Variants in VWA8 observed in about 807,000 individuals in gnomAD.
VWA8 encodes von Willebrand factor A domain-containing protein 8.
VWA8 carries 221 observed loss-of-function variants against 241.5 expected under a neutral mutation model. The ratio of observed to expected loss-of-function variants is 0.91; its 90% CI spans 0.82 to 1.02. The LOEUF is 1.02. Among genes scored for constraint, VWA8 ranks in the 50% least tolerant of loss-of-function variants. VWA8 has a pLI of 0.00. For missense variants in VWA8, 2,322 were observed against 2,328.7 expected (o/e 1.00, Z 0.06); for synonymous variants, 852 against 827.1 (o/e 1.03, Z -0.52).
At chr13:41,876,414 T>C (rs548450096) in intron 9 of VWA8, among the ~76,000 whole-genome samples, 3 of 152,204 alleles carry the variant, frequency 2.0e-5, no homozygotes, top group African/African-American at 7.2e-5. Flanking sequence ...TGTCCTTTGC[T>C]TTTCCTACAG....
Position 41,816,757 on chromosome 13 carries a change from C to T in VWA8, c.1888G>A (p.Glu630Lys), listed in dbSNP as rs1261886384. ...IKEKVPNVPQ[E>K]ALDKLLSFTH... The stretch of plus-strand genomic sequence containing the variant: ...AATGATAATAACTTATCCAGAGCTT[C>T]CTGAGGTACATTTGGGACCTATTTT... The change falls in exon 16 of 45, where the codon GAA becomes AAA. Residue 630 changes from glutamate to lysine, a missense_variant. By Grantham distance (56) the Glu-to-Lys change is moderately conservative. Coordinates refer to ENST00000379310, the MANE Select transcript of VWA8 (RefSeq NM_015058.2). 1 of 1,613,324 alleles carries T rather than the reference C, an allele frequency of 6.2e-7. No homozygotes were observed. Among genetic ancestry groups the T allele is most frequent in the Non-Finnish European group, 8.5e-7 (1 of 1,179,626 alleles).
At chr13:41,782,498 C>CATAA (rs1868934096) in intron 19 of VWA8, among the ~76,000 whole-genome samples, 1 of 152,028 alleles carries the variant, frequency 6.6e-6, no homozygotes, top group Non-Finnish European at 1.5e-5. Context: ...ACTTTTGTGT[C>CATAA]TTATAAGTAG....
At chr13:41,796,186 T>A (rs1286260038) in intron 17 of VWA8, among the ~76,000 whole-genome samples, 1 of 152,180 alleles carries the variant, frequency 6.6e-6, no homozygotes, top group African/African-American at 2.4e-5. Flanking sequence ...ATTATTCTTA[T>A]CTGCTTTAGG....
At chr13:41,736,958 C>T (rs1459992440) in intron 21 of VWA8, among the ~76,000 whole-genome samples, 2 of 151,544 alleles carry the variant, frequency 1.3e-5, no homozygotes, top group African/African-American at 4.9e-5. Flanking sequence ...ATTCTCCTGC[C>T]TCAGCCTCCA....
intron 9 of VWA8, among the ~76,000 whole-genome samples, chr13:41,875,548 C>G (rs995295727): frequency 6.6e-6 from 1 of 151,910 alleles, no homozygotes; most frequent in African/African-American, 2.4e-5. Context: ...AATGTAAGCC[C>G]CTTGATTTTT....
At chr13:41,814,545 C>T (rs745730033) in intron 16 of VWA8, among the ~76,000 whole-genome samples, 1 of 152,110 alleles carries the variant, frequency 6.6e-6, no homozygotes, top group Non-Finnish European at 1.5e-5. Flanking sequence ...TGATGAGCAG[C>T]TTAGGGTCAG....
At chr13:41,833,327 AG>A in intron 13 of VWA8, 43 bp downstream of exon 13, 1 of 1,556,980 alleles carries the variant, frequency 6.4e-7, no homozygotes, top group Non-Finnish European at 8.7e-7. Flanking sequence ...CTTAAGTCAG[AG>A]TGGGGTGTGT....
At chr13:41,694,905 G>A (rs2045206412) in intron 29 of VWA8, among the ~76,000 whole-genome samples, 1 of 152,178 alleles carries the variant, frequency 6.6e-6, no homozygotes, top group South Asian at 2.1e-4. Flanking sequence ...ATCTTTCTAA[G>A]TGACAGAAAA....
chr13:41,931,305 C>A (rs113190806), intron 2 of VWA8, among the ~76,000 whole-genome samples: 892 of 85,422 alleles, frequency 0.01, 18 homozygotes, highest in Middle Eastern at 0.025. Flanking sequence ...AAAAAAAAAA[C>A]CCCTACATGA....
chr13:41,580,650 G>C (rs2044376485), intron 42 of VWA8, among the ~76,000 whole-genome samples: 2 of 152,076 alleles, frequency 1.3e-5, no homozygotes, highest in Non-Finnish European at 2.9e-5. Flanking sequence ...CTGAATTACA[G>C]TTTAAAAAAA....
chr13:41,640,738 T>C (rs887800115), intron 37 of VWA8, among the ~76,000 whole-genome samples: 8 of 152,232 alleles, frequency 5.3e-5, no homozygotes, highest in African/African-American at 1.2e-4. Flanking sequence ...GAACATACAA[T>C]ACATTTCAAA....
chr13:41,754,855 A>G (rs191637573), intron 21 of VWA8, among the ~76,000 whole-genome samples: 1 of 149,400 alleles, frequency 6.7e-6, no homozygotes, highest in Admixed American at 6.8e-5. Flanking sequence ...AAACATGTCA[A>G]GTTTGTCTTT....
chr13:41,810,701 A>G (rs951233321), intron 17 of VWA8, among the ~76,000 whole-genome samples: 1 of 152,138 alleles, frequency 6.6e-6, no homozygotes, highest in African/African-American at 2.4e-5. Flanking sequence ...AGTATTTGAT[A>G]GCATAACAAG....
At chr13:41,605,880 G>T (rs1399883265) in intron 39 of VWA8, among the ~76,000 whole-genome samples, 1 of 152,056 alleles carries the variant, frequency 6.6e-6, no homozygotes, top group Non-Finnish European at 1.5e-5. Context: ...TAATATTATT[G>T]TGGCTTTGAA....
chr13:41,699,001 A>C (rs1478650822), intron 29 of VWA8, 70 bp downstream of exon 29: 7 of 1,595,040 alleles, frequency 4.4e-6, no homozygotes, highest in Non-Finnish European at 5.2e-6. Context: ...CTTTTCAGTT[A>C]TAGGTTTCTA....
intron 20 of VWA8, 101 bp downstream of exon 20, chr13:41,777,884 A>G: frequency 9.9e-7 from 1 of 1,012,240 alleles, no homozygotes; most frequent in Non-Finnish European, 1.5e-6. Flanking sequence ...CCAGTCATTT[A>G]ATAGGGGAAA....
At chr13:41,612,951 G>A (rs1158293907) in intron 38 of VWA8, among the ~76,000 whole-genome samples, 2 of 152,114 alleles carry the variant, frequency 1.3e-5, no homozygotes, top group Non-Finnish European at 2.9e-5. Flanking sequence ...AAAATGCTTA[G>A]AGCAGTATCT....
At chr13:41,642,561 A>AC (rs1217443005) in intron 37 of VWA8, among the ~76,000 whole-genome samples, 19 of 148,634 alleles carry the variant, frequency 1.3e-4, no homozygotes, top group African/African-American at 4.2e-4. Context: ...TCCGTCTCAA[A>AC]CAAAAAAAAA....
At chr13:41,915,123 T>C (rs561942532) in intron 2 of VWA8, among the ~76,000 whole-genome samples, 1 of 152,236 alleles carries the variant, frequency 6.6e-6, no homozygotes, top group Non-Finnish European at 1.5e-5. Flanking sequence ...ATTGAGGTTA[T>C]AGCCATAATA....
Sources: allele counts gnomAD v4.1 joint callset (sites outside exome capture counted in the v4.1 genomes callset), GRCh38; gene constraint gnomAD v4.1.1; transcripts MANE v1.5; gene names NCBI Gene and HGNC (gene_info 2026-07-23, HGNC 2026-07-21).